Variants in NTRK2 observed in about 807,000 individuals in gnomAD.
NTRK2 encodes the protein BDNF/NT-3 growth factors receptor.
NTRK2 carries 13 observed loss-of-function variants against 94.5 expected under a neutral mutation model. The ratio of observed to expected loss-of-function variants is 0.14; its 90% confidence interval spans 0.09 to 0.22. The LOEUF (loss-of-function observed/expected upper bound fraction) is 0.22. NTRK2 is among the 10% of genes least tolerant of loss of function. The pLI, the probability that NTRK2 is intolerant of heterozygous loss-of-function variation, is 1.00. For missense variants in NTRK2, 639 were observed against 1,071.2 expected (o/e 0.60, Z 5.63); for synonymous variants, 372 against 407.4 (o/e 0.91, Z 1.05).
chr9:84,750,576 G>C (rs2064499763), intron 11 of NTRK2, among the ~76,000 whole-genome samples: 1 of 152,180 alleles, frequency 6.6e-6, no homozygotes, highest in African/African-American at 2.4e-5. Context: ...TGCTGCCATT[G>C]TAAATAAAGT....
intron 12 of NTRK2, among the ~76,000 whole-genome samples, chr9:84,788,287 G>C (rs758564073): frequency 3.9e-5 from 6 of 152,158 alleles, no homozygotes; most frequent in Admixed American, 2.0e-4. Context: ...AAATGAAAAT[G>C]AAATTAACAA....
intron 14 of NTRK2, among the ~76,000 whole-genome samples, chr9:84,901,189 G>GTTTTATTTTATTTTA: frequency 2.8e-5 from 2 of 72,592 alleles, no homozygotes; most frequent in African/African-American, 7.2e-5. Context: ...ATTTTGTTTT[G>GTTTTATTTTATTTTA]TTTTGTTTTG....
At chr9:85,010,455 TC>T (rs896965016) in intron 17 of NTRK2, among the ~76,000 whole-genome samples, 3 of 152,170 alleles carry the variant, frequency 2.0e-5, no homozygotes, top group Non-Finnish European at 4.4e-5. Context: ...CATGAAAAGC[TC>T]GGTAACATTG....
At chr9:84,783,097 C>T (rs149266362) in intron 12 of NTRK2, among the ~76,000 whole-genome samples, 2 of 152,256 alleles carry the variant, frequency 1.3e-5, no homozygotes, top group East Asian at 3.9e-4. Flanking sequence ...GCTGTCCCAC[C>T]TCCCAGCATG....
chr9:84,934,075 G>A (rs2132715185), intron 14 of NTRK2, 87 bp from the exon 15 acceptor site: 1 of 1,454,362 alleles, frequency 6.9e-7, no homozygotes, highest in East Asian at 2.3e-5. Flanking sequence ...GGGCCTGGAA[G>A]CTCAGGTACA....
rs56390905 is a variant in NTRK2, at chr9:84,836,934, G to GTATAATATAATATAATATAA, written c.1397-24073_1397-24054dup. On this transcript the variant is annotated intron_variant, in intron 12 of 18. Coordinates refer to ENST00000277120, the MANE Select transcript of NTRK2 (RefSeq NM_006180.6). ...TAATAGATTGAGAGCTTGTCGTAGA[G>GTATAATATAATATAATATAA]TATAATATAATATAATATAATATAA... Among the ~76,000 whole-genome samples, 344 of 134,190 alleles carry GTATAATATAATATAATATAA rather than the reference G, an allele frequency of 2.6e-3. 1 individual carries two copies. The highest frequency in any genetic ancestry group is 4.0e-3 in the East Asian group (18 of 4,476). 88.0% of individuals were successfully genotyped at this position (134,190 alleles called of 152,430 possible).
chr9:84,950,641 A>G (rs1298709140), intron 16 of NTRK2, among the ~76,000 whole-genome samples: 2 of 151,812 alleles, frequency 1.3e-5, no homozygotes, highest in Non-Finnish European at 2.9e-5. Context: ...AGATTAGCAA[A>G]TGGGCTGCTT....
intron 14 of NTRK2, among the ~76,000 whole-genome samples, chr9:84,892,792 G>A (rs1049319806): frequency 1.3e-5 from 2 of 152,050 alleles, no homozygotes; most frequent in Non-Finnish European, 2.9e-5. Context: ...TGTGGTGGCA[G>A]GCACCTGTAA....
intron 4 of NTRK2, among the ~76,000 whole-genome samples, chr9:84,703,314 A>T (rs988829806): frequency 1.3e-5 from 2 of 152,152 alleles, no homozygotes; most frequent in Non-Finnish European, 2.9e-5. Context: ...ATTTCACATG[A>T]TTTTTTTCTG....
chr9:85,023,489 T>A lies in NTRK2; in HGVS notation c.*2052T>A. The A allele has an allele frequency of 4.3e-6, 1 of 232,650 alleles. No homozygotes were observed. The allele number at this position is 232,650 out of a possible 1,614,324, so 14.4% of individuals were successfully genotyped here. On this transcript the variant is annotated 3_prime_UTR_variant, in exon 19 of 19. Transcript: ENST00000277120. ...AAAGGAAATCCAGTAGCAACTGCAG[T>A]CAAGCGAGGGAGTTGACAAGATAAA...
At chr9:84,980,714 C>T (rs1827480651) in intron 17 of NTRK2, among the ~76,000 whole-genome samples, 1 of 152,226 alleles carries the variant, frequency 6.6e-6, no homozygotes, top group Non-Finnish European at 1.5e-5. Flanking sequence ...ACCCATCATC[C>T]CATACAAAGG....
At chr9:84,888,366 T>G (rs2132272252) in intron 14 of NTRK2, among the ~76,000 whole-genome samples, 1 of 151,680 alleles carries the variant, frequency 6.6e-6, no homozygotes. Flanking sequence ...CAGAGAACAC[T>G]TCGGGAGGAC....
intron 14 of NTRK2, among the ~76,000 whole-genome samples, chr9:84,933,703 CT>C (rs1365474997): frequency 6.6e-6 from 1 of 152,142 alleles, no homozygotes; most frequent in Non-Finnish European, 1.5e-5. Context: ...TTGCATTTTC[CT>C]TTTGTATCCT....
chr9:84,753,636 A>G (rs1470623724), intron 12 of NTRK2, among the ~76,000 whole-genome samples: 1 of 152,174 alleles, frequency 6.6e-6, no homozygotes, highest in Admixed American at 6.5e-5. Context: ...TCTCAACTGC[A>G]CCCAGGCCCA....
At chr9:84,971,490 C>T (rs931116328) in intron 17 of NTRK2, among the ~76,000 whole-genome samples, 3 of 152,178 alleles carry the variant, frequency 2.0e-5, no homozygotes, top group African/African-American at 7.2e-5. Context: ...CCCTGGGCTC[C>T]TTCCCCACTG....
intron 12 of NTRK2, chr9:84,815,166 C>A: frequency 9.5e-7 from 1 of 1,057,436 alleles, no homozygotes; most frequent in Non-Finnish European, 1.1e-6. Context: ...AACGTCCCAG[C>A]CACCTGATTT....
chr9:84,901,067 C>T (rs1759274862), intron 14 of NTRK2, among the ~76,000 whole-genome samples: 1 of 152,100 alleles, frequency 6.6e-6, no homozygotes, highest in South Asian at 2.1e-4. Context: ...TGGATAACTA[C>T]AGGTTACATA....
intron 12 of NTRK2, among the ~76,000 whole-genome samples, chr9:84,844,128 T>C (rs1446127310): frequency 6.6e-6 from 1 of 152,146 alleles, no homozygotes; most frequent in Non-Finnish European, 1.5e-5. Flanking sequence ...TAAGTAACAA[T>C]GAGGGGAGGA....
intron 12 of NTRK2, chr9:84,814,964 T>C: frequency 9.4e-7 from 1 of 1,059,864 alleles, no homozygotes; most frequent in Non-Finnish European, 1.1e-6. Context: ...GCCAGGTTCA[T>C]CTAAAGACAT....
Sources: gnomAD v4.1 joint callset for allele counts (sites outside exome capture counted in the v4.1 genomes callset) on GRCh38, gnomAD v4.1.1 for gene constraint, MANE v1.5 for transcripts, NCBI Gene and HGNC (gene_info 2026-07-23, HGNC 2026-07-21) for gene names.